The following TMEM132D variants were observed in gnomAD, a reference collection of about 807,000 sequenced individuals.
TMEM132D encodes the protein mature OL transmembrane protein.
Under a neutral mutation model 62.3 loss-of-function variants are expected in TMEM132D, and 21 were observed. The observed-to-expected ratio is 0.34, with a 90% CI of 0.24 to 0.49. TMEM132D has a LOEUF of 0.49. Ranked by LOEUF, TMEM132D falls within the 20% of genes least tolerant of loss-of-function variation. The probability of loss-of-function intolerance (pLI) is 0.99; values close to 1 mark genes in which losing one functional copy is unlikely to be tolerated. For missense variants in TMEM132D, 1,346 were observed against 1,402.8 expected, an observed-to-expected ratio of 0.96 and a Z score of 0.65; for synonymous variants, 621 against 575.6, an observed-to-expected ratio of 1.08 and a Z score of -1.13.
At chr12:129,720,214 A>G (rs1868770483) in intron 1 of TMEM132D, among the ~76,000 whole-genome samples, 2 of 152,200 alleles carry the variant, frequency 1.3e-5, no homozygotes, top group South Asian at 4.1e-4. Context: ...TACTGGAGTG[A>G]CACAGCAACA....
At chr12:129,545,350 G>A (rs1664193799) in intron 2 of TMEM132D, among the ~76,000 whole-genome samples, 1 of 152,070 alleles carries the variant, frequency 6.6e-6, no homozygotes, top group Admixed American at 6.5e-5. Context: ...CCAGTTCTCT[G>A]CTAGCCCACT....
chr12:129,336,801 G>C lies in TMEM132D; in HGVS notation c.1299+833C>G, dbSNP rs569178973. ...GGGAAACAGCATGCAGCCGGGCCTG[G>C]GCCGAGGGCAGCAGCAGGAGGTGCT... is the stretch of plus-strand genomic sequence containing the variant. On this transcript the variant is annotated intron_variant, in intron 4 of 8. Transcript: ENST00000422113. 1.1e-3 allele frequency among the ~76,000 whole-genome samples: 166 copies of C among 152,260 alleles called. 2 individuals carry two copies. The highest frequency in any genetic ancestry group is 5.6e-3 in the South Asian group (27 of 4,824).
At chr12:129,249,986 G>A (rs1189420700) in intron 4 of TMEM132D, among the ~76,000 whole-genome samples, 1 of 152,162 alleles carries the variant, frequency 6.6e-6, no homozygotes, top group African/African-American at 2.4e-5. Flanking sequence ...ACCAGAGAGA[G>A]CCTTGTAGAG....
chr12:129,088,083 CGGGTGTCCTCCCTGACCG>C (rs1874708721), intron 5 of TMEM132D, among the ~76,000 whole-genome samples: 1 of 32,406 alleles, frequency 3.1e-5, no homozygotes, highest in African/African-American at 1.8e-4. Context: ...CCTCCCTGAC[CGGGTGTCCTCCCTGACCG>C]GGGTGTCCTC....
intron 3 of TMEM132D, among the ~76,000 whole-genome samples, chr12:129,477,613 G>A (rs968929904): frequency 6.6e-6 from 1 of 152,124 alleles, no homozygotes; most frequent in Non-Finnish European, 1.5e-5. Context: ...CAGGTCAGGA[G>A]ATCGAGACCA....
chr12:129,512,692 G>T (rs377680862), intron 3 of TMEM132D, among the ~76,000 whole-genome samples: 4 of 152,194 alleles, frequency 2.6e-5, no homozygotes, highest in African/African-American at 9.7e-5. Flanking sequence ...GCTCACTTAT[G>T]TTTCTGGTCA....
At position 129,404,987 on chromosome 12, in the gene TMEM132D, C is replaced by T. The variant is rs78884163; in HGVS notation, c.1116-67170G>A. The stretch of plus-strand genomic sequence containing the variant: ...ATAGGGCTATAAGATAAACTGACTG[C>T]GGGACCACAGGGTGGATGTGAATGA... On this transcript the variant is annotated intron_variant, in intron 3 of 8. Coordinates refer to ENST00000422113, the MANE Select transcript of TMEM132D (RefSeq NM_133448.3). 0.025 allele frequency among the ~76,000 whole-genome samples: 3,758 copies of T among 152,230 alleles called. 327 individuals carry two copies. The East Asian group carries it at 0.31, about 13-fold the overall frequency.
chr12:129,498,603 CA>C (rs1875034641), intron 3 of TMEM132D, among the ~76,000 whole-genome samples: 1 of 152,160 alleles, frequency 6.6e-6, no homozygotes, highest in African/African-American at 2.4e-5. Flanking sequence ...TTTTCCTTCT[CA>C]GAATTCTCTA....
chr12:129,536,877 C>A (rs899479189), intron 2 of TMEM132D, among the ~76,000 whole-genome samples: 1 of 152,130 alleles, frequency 6.6e-6, no homozygotes, highest in African/African-American at 2.4e-5. Flanking sequence ...TCATATGCGG[C>A]CGGGCGCGGT....
intron 1 of TMEM132D, among the ~76,000 whole-genome samples, chr12:129,711,556 T>A (rs1881644528): frequency 6.6e-6 from 1 of 151,868 alleles, no homozygotes; most frequent in Admixed American, 6.6e-5. Context: ...TGAAACCCCA[T>A]AGCTACTAAA....
intron 1 of TMEM132D, among the ~76,000 whole-genome samples, chr12:129,733,764 G>A (rs1467487726): frequency 1.3e-5 from 2 of 152,138 alleles, no homozygotes; most frequent in Non-Finnish European, 2.9e-5. Context: ...GAGACAGGAC[G>A]CTGCCCTGGA....
chr12:129,491,116 C>G lies in TMEM132D; in HGVS notation c.1115+39943G>C, dbSNP rs551199071. 3.3e-5 allele frequency among the ~76,000 whole-genome samples: 5 copies of G among 152,180 alleles called. No homozygotes were observed. In the East Asian group the frequency reaches 9.7e-4, roughly 29 times the overall value. Reference sequence around the variant, plus strand: ...GGAGCCTCTTTGAGACTGAATTTTCCCTTCTGGTACCATCACCTAGTTAGG... The same window carrying G: ...GGAGCCTCTTTGAGACTGAATTTTCGCTTCTGGTACCATCACCTAGTTAGG... On this transcript the variant is annotated intron_variant, in intron 3 of 8. Transcript: ENST00000422113.
chr12:129,817,924 T>G (rs1367890648), intron 1 of TMEM132D, among the ~76,000 whole-genome samples: 1 of 146,994 alleles, frequency 6.8e-6, no homozygotes, highest in Non-Finnish European at 1.5e-5. Flanking sequence ...TAGCTGTGTA[T>G]ATGTGGTTTG....
intron 2 of TMEM132D, among the ~76,000 whole-genome samples, chr12:129,659,838 A>C (rs944217438): frequency 2.6e-5 from 4 of 152,226 alleles, no homozygotes; most frequent in Non-Finnish European, 5.9e-5. Flanking sequence ...CAGGGAAGTT[A>C]CACTTTTCAA....
chr12:129,410,666 A>C (rs1405744493), intron 3 of TMEM132D, among the ~76,000 whole-genome samples: 1 of 152,156 alleles, frequency 6.6e-6, no homozygotes, highest in Non-Finnish European at 1.5e-5. Context: ...TGGCCTTCTC[A>C]ATGAACTTCT....
At chr12:129,318,078 CT>C (rs1290022744) in intron 4 of TMEM132D, among the ~76,000 whole-genome samples, 6 of 152,118 alleles carry the variant, frequency 3.9e-5, no homozygotes, top group African/African-American at 1.4e-4. Flanking sequence ...TTGCATTGGG[CT>C]TTGCCTTTCT....
chr12:129,502,925 C>T (rs1187167624), intron 3 of TMEM132D, among the ~76,000 whole-genome samples: 3 of 152,146 alleles, frequency 2.0e-5, no homozygotes, highest in South Asian at 2.1e-4. Context: ...TTTATTTGTT[C>T]GTCTGTCCTT....
intron 3 of TMEM132D, among the ~76,000 whole-genome samples, chr12:129,423,728 G>A (rs905999533): frequency 2.0e-5 from 3 of 152,028 alleles, no homozygotes; most frequent in African/African-American, 4.8e-5. Flanking sequence ...TCCTCAACAC[G>A]AACTTTCAAT....
intron 1 of TMEM132D, among the ~76,000 whole-genome samples, chr12:129,873,614 T>A (rs887884373): frequency 1.3e-5 from 2 of 152,194 alleles, no homozygotes; most frequent in Non-Finnish European, 1.5e-5. Context: ...TGAGAATCTT[T>A]ACTACCTTGT....
Sources: gnomAD v4.1 joint callset for allele counts (sites outside exome capture counted in the v4.1 genomes callset) on GRCh38, gnomAD v4.1.1 for gene constraint, MANE v1.5 for transcripts, NCBI Gene and HGNC (gene_info 2026-07-23, HGNC 2026-07-21) for gene names.